The following TRPM3 variants were observed in gnomAD, a reference collection of about 807,000 sequenced individuals.
TRPM3 encodes transient receptor potential cation channel subfamily M member 3.
In TRPM3, 77 loss-of-function variants were observed where a neutral mutation model predicts 181.2. The observed-to-expected ratio is 0.42, with a 90% CI of 0.35 to 0.51. The LOEUF is 0.51. TRPM3 is among the 20% of genes least tolerant of loss of function. The pLI, the probability that TRPM3 is intolerant of heterozygous loss-of-function variation, is 0.01. For missense variants in TRPM3, 1,759 were observed against 2,196.7 expected, an observed-to-expected ratio of 0.80 and a Z score of 3.98; for synonymous variants, 745 against 796.4, an observed-to-expected ratio of 0.94 and a Z score of 1.09.
intron 1 of TRPM3, among the ~76,000 whole-genome samples, chr9:70,884,638 T>C (rs1000599741): frequency 6.6e-6 from 1 of 152,240 alleles, no homozygotes; most frequent in Non-Finnish European, 1.5e-5. Context: ...AGTCTCTGTA[T>C]ACAGCTATGC....
chr9:71,064,370 C>A (rs1362066705), intron 1 of TRPM3, among the ~76,000 whole-genome samples: 1 of 150,676 alleles, frequency 6.6e-6, no homozygotes, highest in African/African-American at 2.4e-5. Flanking sequence ...TCTAGACGTA[C>A]TTTAAAGAGC....
At chr9:71,382,743 A>C (rs2092833028) in intron 1 of TRPM3, among the ~76,000 whole-genome samples, 1 of 150,536 alleles carries the variant, frequency 6.6e-6, no homozygotes, top group Non-Finnish European at 1.5e-5. Context: ...TGGTCTCTTG[A>C]ACACAGATTC....
intron 1 of TRPM3, among the ~76,000 whole-genome samples, chr9:71,331,721 G>GA (rs1040422979): frequency 2.6e-5 from 3 of 115,198 alleles, no homozygotes; most frequent in African/African-American, 1.0e-4. Context: ...AAAGGAGGAG[G>GA]AAAAGGAGGA....
chr9:70,642,665 C>T (rs796487267), intron 9 of TRPM3, among the ~76,000 whole-genome samples: 3 of 152,340 alleles, frequency 2.0e-5, no homozygotes, highest in African/African-American at 7.2e-5. Context: ...CTGGGAATTA[C>T]TGCGCTGTGT....
At chr9:70,663,254 G>C (rs574346991) in intron 9 of TRPM3, among the ~76,000 whole-genome samples, 1 of 152,118 alleles carries the variant, frequency 6.6e-6, no homozygotes, top group Non-Finnish European at 1.5e-5. Context: ...GTTGGGAGTG[G>C]GGTGAGGGAT....
intron 1 of TRPM3, among the ~76,000 whole-genome samples, chr9:71,278,450 C>T (rs796555743): frequency 7.2e-5 from 11 of 152,180 alleles, no homozygotes; most frequent in African/African-American, 2.6e-4. Context: ...CAAAAGATAC[C>T]AAATCAGATA....
At chr9:71,043,905 T>C (rs950140497) in intron 1 of TRPM3, among the ~76,000 whole-genome samples, 2 of 152,308 alleles carry the variant, frequency 1.3e-5, no homozygotes, top group East Asian at 3.9e-4. Flanking sequence ...AGTCTTTCCT[T>C]AGACCTGATC....
At position 70,530,002 on chromosome 9, in the gene TRPM3, C is replaced by A. The variant is rs1056004228; in HGVS notation, c.*5951G>T. ...AATTTGCAGCCTCTCAGTCTATGTG[C>A]AGATGGCTGGTTTTAATGATGTGTG... On this transcript the variant is annotated 3_prime_UTR_variant, in exon 26 of 26. Coordinates refer to ENST00000677713, the MANE Select transcript of TRPM3 (RefSeq NM_001366145.2). 6.6e-6 allele frequency: 1 copy of A among 152,212 alleles called. No individual in the cohort carries two copies. Among genetic ancestry groups the A allele is most frequent in the Admixed American group, 6.5e-5 (1 of 15,272 alleles). 9.4% of individuals were successfully genotyped at this position (152,212 alleles called of 1,614,324 possible). A position where few individuals can be genotyped will look rare whatever the true frequency, so the allele number is the denominator to read the frequency against.
chr9:70,649,271 C>A (rs1364700331), intron 9 of TRPM3, among the ~76,000 whole-genome samples: 1 of 151,594 alleles, frequency 6.6e-6, no homozygotes, highest in Non-Finnish European at 1.5e-5. Context: ...TGACTGCAAC[C>A]TCTGCCTCCC....
chr9:70,978,404 C>T (rs3010436), intron 1 of TRPM3, among the ~76,000 whole-genome samples: 151,932 of 152,326 alleles, frequency 1, 75,771 homozygotes, highest in Middle Eastern at 1. Context: ...GCCTTTAATA[C>T]AGTATATTTT....
chr9:70,765,122 C>G (rs2078863691), intron 7 of TRPM3, among the ~76,000 whole-genome samples: 1 of 152,142 alleles, frequency 6.6e-6, no homozygotes, highest in Non-Finnish European at 1.5e-5. Flanking sequence ...TGTGCTAAGT[C>G]ATACTGCTTG....
intron 1 of TRPM3, among the ~76,000 whole-genome samples, chr9:71,031,932 C>A (rs2057350988): frequency 9.0e-6 from 1 of 111,720 alleles, no homozygotes; most frequent in Non-Finnish European, 1.8e-5. Flanking sequence ...GGCTATAAAT[C>A]CACCATTAAG....
At chr9:70,587,001 ATTTT>A (rs375691936) in intron 22 of TRPM3, among the ~76,000 whole-genome samples, 1 of 147,534 alleles carries the variant, frequency 6.8e-6, no homozygotes, top group Non-Finnish European at 1.5e-5. Flanking sequence ...AGGAGCAAGG[ATTTT>A]TTTTTTTTAT....
chr9:70,820,061 A>G (rs2131569947), intron 6 of TRPM3, among the ~76,000 whole-genome samples: 2 of 152,322 alleles, frequency 1.3e-5, no homozygotes, highest in South Asian at 4.1e-4. Flanking sequence ...CAACAAGTCG[A>G]GTACTCAAAA....
chr9:70,975,431 T>G (rs1364620826), intron 1 of TRPM3, among the ~76,000 whole-genome samples: 1 of 152,196 alleles, frequency 6.6e-6, no homozygotes, highest in African/African-American at 2.4e-5. Flanking sequence ...ACAAATATAA[T>G]ACTGCCTAGG....
chr9:70,597,161 G>T (rs1416535081), intron 21 of TRPM3, among the ~76,000 whole-genome samples: 2 of 152,052 alleles, frequency 1.3e-5, no homozygotes, highest in Non-Finnish European at 2.9e-5. Flanking sequence ...TCGAACTCCC[G>T]ACCTCAGGTG....
rs563394315 is a variant in TRPM3, at chr9:71,019,168, T to C, written c.177+102010A>G. Among the ~76,000 whole-genome samples the C allele has an allele frequency of 5.5e-4, 83 of 152,030 alleles. No homozygotes were observed. In the South Asian group the frequency reaches 0.017, roughly 31 times the overall value. On this transcript the variant is annotated intron_variant, in intron 1 of 25. Transcript: ENST00000677713. The stretch of plus-strand genomic sequence containing the variant: ...CTACAGCAAATATGATCTTTAATAG[T>C]AAATATTAAAAGCTTTCCTCTGGAG...
At chr9:70,988,519 C>T (rs891102322) in intron 1 of TRPM3, among the ~76,000 whole-genome samples, 1 of 152,180 alleles carries the variant, frequency 6.6e-6, no homozygotes, top group African/African-American at 2.4e-5. Flanking sequence ...CCACTGTATA[C>T]TTTCATATGT....
At chr9:71,268,753 C>T (rs372465113) in intron 1 of TRPM3, among the ~76,000 whole-genome samples, 1 of 152,062 alleles carries the variant, frequency 6.6e-6, no homozygotes, top group African/African-American at 2.4e-5. Flanking sequence ...ACCCAGGGAA[C>T]GGAGGTTGCA....
Sources: allele counts gnomAD v4.1 joint callset (sites outside exome capture counted in the v4.1 genomes callset), GRCh38; gene constraint gnomAD v4.1.1; transcripts MANE v1.5; gene names NCBI Gene and HGNC (gene_info 2026-07-23, HGNC 2026-07-21).